The following CNTNAP4 variants were observed in gnomAD, a reference collection of about 807,000 sequenced individuals.
CNTNAP4 encodes contactin associated protein family member 4.
A neutral mutation model predicts 148.4 loss-of-function variants in CNTNAP4; 98 were observed. The ratio of observed to expected loss-of-function variants is 0.66; its 90% CI spans 0.56 to 0.78. The LOEUF (loss-of-function observed/expected upper bound fraction) is 0.78, where lower values mean the gene tolerates loss of function less well. CNTNAP4 is among the 30% of genes least tolerant of loss of function. The probability of loss-of-function intolerance (pLI) is 0.00; values close to 1 mark genes in which losing one functional copy is unlikely to be tolerated. For missense variants in CNTNAP4, 1,935 were observed against 1,565.6 expected, an observed-to-expected ratio of 1.24 and a Z score of -3.98; for synonymous variants, 730 against 565.1, an observed-to-expected ratio of 1.29 and a Z score of -4.14.
intron 1 of CNTNAP4, among the ~76,000 whole-genome samples, chr16:76,285,132 T>C (rs1958829580): frequency 6.6e-6 from 1 of 152,034 alleles, no homozygotes; most frequent in African/African-American, 2.4e-5. Flanking sequence ...CATTGGTATT[T>C]GGAAGAGGAA....
At chr16:76,310,899 C>T (rs1009138433) in intron 1 of CNTNAP4, among the ~76,000 whole-genome samples, 1 of 151,828 alleles carries the variant, frequency 6.6e-6, no homozygotes, top group African/African-American at 2.4e-5. Flanking sequence ...AATTTAAATA[C>T]ACTTTCTACC....
chr16:76,374,757 T>TTATTAG (rs1567908768), intron 3 of CNTNAP4, among the ~76,000 whole-genome samples: 1 of 146,486 alleles, frequency 6.8e-6, no homozygotes, highest in Non-Finnish European at 1.5e-5. Context: ...ATTATTATTA[T>TTATTAG]TATTATTATT....
rs2081562375 is a variant in CNTNAP4, at chr16:76,475,997, C to A, written c.1714C>A (p.His572Asn). The A allele has an allele frequency of 6.2e-7, 1 of 1,613,918 alleles. No homozygotes were observed. Among genetic ancestry groups the A allele is most frequent in the Non-Finnish European group, 8.5e-7 (1 of 1,179,838 alleles). The change falls in exon 11 of 24, where the codon CAT (histidine) becomes AAT (asparagine). Residue 572 changes from histidine to asparagine, a missense_variant. Coordinates refer to ENST00000611870, the MANE Select transcript of CNTNAP4 (RefSeq NM_033401.5). ...GTGTTCCCAGTCCTGGAGCACCTTTCATTGTAACTGTACCAACACTGGTTA... is the reference window on the plus strand; with the variant it reads ...GTGTTCCCAGTCCTGGAGCACCTTTAATTGTAACTGTACCAACACTGGTTA... ...GECSQSWSTF[H>N]CNCTNTGYRG...
Position 76,452,587 on chromosome 16 carries a change from C to CTAAATAGCTCCAGGAGTTATTT in CNTNAP4, c.1151_1152insTAAATAGCTCCAGGAGTTATTT (p.Asp385LysfsTer2). On this transcript the variant is annotated stop_gained and frameshift_variant, in exon 8 of 24. Transcript: ENST00000611870. LOFTEE classifies it high-confidence loss of function. ...AGCTCCAGGAGTTATTTAGCACTGC[C>CTAAATAGCTCCAGGAGTTATTT]AGACTTCTCTGGAGAGGAGGAGGTT... 6.2e-7 allele frequency: 1 copy of CTAAATAGCTCCAGGAGTTATTT among 1,613,974 alleles called. No individual in the cohort carries two copies. Among genetic ancestry groups the CTAAATAGCTCCAGGAGTTATTT allele is most frequent in the Non-Finnish European group, 8.5e-7 (1 of 1,179,884 alleles).
rs1481379526 is a variant in CNTNAP4, at chr16:76,289,190, C to T, written c.85+11443C>T. Among the ~76,000 whole-genome samples the T allele has an allele frequency of 5.9e-5, 9 of 152,208 alleles. No homozygotes were observed. In the East Asian group the frequency reaches 1.5e-3, roughly 26 times the overall value. On this transcript the variant is annotated intron_variant, in intron 1 of 23. Coordinates refer to ENST00000611870, the MANE Select transcript of CNTNAP4 (RefSeq NM_033401.5). ...TGAGTATAAAATAAAATTGGAACAG[C>T]ATCAGCTACTTCCAATCCATCCTCA...
At chr16:76,305,160 C>T (rs1468813019) in intron 1 of CNTNAP4, among the ~76,000 whole-genome samples, 1 of 152,140 alleles carries the variant, frequency 6.6e-6, no homozygotes, top group Non-Finnish European at 1.5e-5. Flanking sequence ...AAATTGCTTT[C>T]CTCTAAATTT....
At chr16:76,416,824 A>G (rs908414909) in intron 3 of CNTNAP4, among the ~76,000 whole-genome samples, 2 of 151,512 alleles carry the variant, frequency 1.3e-5, no homozygotes, top group Admixed American at 1.3e-4. Context: ...TTCCAACTAT[A>G]ATAATGGACT....
chr16:76,537,958 G>A (rs2084282031), intron 18 of CNTNAP4, among the ~76,000 whole-genome samples, 158 bp from the exon 19 acceptor site: 1 of 152,000 alleles, frequency 6.6e-6, no homozygotes, highest in African/African-American at 2.4e-5. Flanking sequence ...AGATCATTTT[G>A]AAAGCTCTAT....
chr16:76,522,332 A>G (rs1454990339), intron 17 of CNTNAP4, 75 bp downstream of exon 17: 6 of 1,176,498 alleles, frequency 5.1e-6, no homozygotes, highest in Non-Finnish European at 7.4e-6. Context: ...AATAATACCA[A>G]CTATAGAAAC....
At chr16:76,287,070 C>A (rs1032616679) in intron 1 of CNTNAP4, among the ~76,000 whole-genome samples, 6 of 152,162 alleles carry the variant, frequency 3.9e-5, no homozygotes, top group African/African-American at 1.4e-4. Context: ...TCACATACAG[C>A]TTCATAACAC....
chr16:76,296,334 G>A (rs1252554636), intron 1 of CNTNAP4, among the ~76,000 whole-genome samples: 1 of 152,076 alleles, frequency 6.6e-6, no homozygotes, highest in East Asian at 1.9e-4. Context: ...CCACCCATTT[G>A]ACTTAAATAG....
intron 2 of CNTNAP4, among the ~76,000 whole-genome samples, chr16:76,319,758 C>T (rs1962212697): frequency 1.3e-5 from 2 of 152,006 alleles, no homozygotes; most frequent in Admixed American, 1.3e-4. Context: ...CGAAGGATTG[C>T]CAGCAACCAT....
At chr16:76,382,493 A>C (rs569079077) in intron 3 of CNTNAP4, among the ~76,000 whole-genome samples, 156 of 152,272 alleles carry the variant, frequency 1.0e-3, no homozygotes, top group African/African-American at 3.6e-3. Flanking sequence ...TAAAGCAGTT[A>C]TGTGATTATA....
chr16:76,441,135 C>T (rs779839145), intron 4 of CNTNAP4, among the ~76,000 whole-genome samples: 2 of 152,202 alleles, frequency 1.3e-5, no homozygotes, highest in Middle Eastern at 3.4e-3. Flanking sequence ...GATACAAAAG[C>T]GGAACTCTGA....
chr16:76,557,946 T>A (rs1401760280), intron 23 of CNTNAP4: 2 of 152,226 alleles, frequency 1.3e-5, no homozygotes, highest in Non-Finnish European at 2.9e-5. Context: ...TATTTACAAC[T>A]AGAAGTGTTA....
chr16:76,350,593 C>A (rs919421186), intron 2 of CNTNAP4, among the ~76,000 whole-genome samples: 1 of 152,102 alleles, frequency 6.6e-6, no homozygotes, highest in Non-Finnish European at 1.5e-5. Flanking sequence ...CAATCAGTTA[C>A]AAAATTTTTT....
At chr16:76,459,941 T>C (rs544274905) in intron 8 of CNTNAP4, among the ~76,000 whole-genome samples, 2 of 152,312 alleles carry the variant, frequency 1.3e-5, no homozygotes, top group South Asian at 4.1e-4. Context: ...AGAGATTGCT[T>C]TTTAGAGGTG....
chr16:76,481,033 A>T (rs1032321001), intron 12 of CNTNAP4, among the ~76,000 whole-genome samples: 1 of 152,242 alleles, frequency 6.6e-6, no homozygotes, highest in East Asian at 1.9e-4. Flanking sequence ...TATAGCTGTC[A>T]CAAAGATAAA....
rs566785243 is a variant in CNTNAP4 at position 76,542,458 on chromosome 16, A to G, written c.3442+1668A>G. 2.0e-5 allele frequency among the ~76,000 whole-genome samples: 3 copies of G among 152,304 alleles called. No homozygotes were observed. The South Asian group carries it at 6.2e-4, about 32-fold the overall frequency. ...AAAGTCTAAACAAACAAGCAGCAAC[A>G]AAAACAAAGCCTCAACTGTTTTAAC... On this transcript the variant is annotated intron_variant, in intron 21 of 23. Coordinates refer to ENST00000611870, the MANE Select transcript of CNTNAP4 (RefSeq NM_033401.5).
Sources: gnomAD v4.1 joint callset for allele counts (sites outside exome capture counted in the v4.1 genomes callset) on GRCh38, gnomAD v4.1.1 for gene constraint, MANE v1.5 for transcripts, NCBI Gene and HGNC (gene_info 2026-07-23, HGNC 2026-07-21) for gene names.